WAC: variants seen among roughly 807,000 people sequenced by gnomAD.
WAC encodes the protein WW domain containing adaptor with coiled-coil, also known as WW domain-containing adapter protein with coiled-coil.
Under a neutral mutation model 79.6 loss-of-function variants are expected in WAC, and 11 were observed. The observed-to-expected ratio is 0.14, with a 90% CI of 0.09 to 0.23. WAC has a LOEUF of 0.23. Ranked by LOEUF, WAC falls within the 10% of genes least tolerant of loss-of-function variation. The probability of loss-of-function intolerance (pLI) is 1.00; values close to 1 mark genes in which losing one functional copy is unlikely to be tolerated. For missense variants in WAC, 728 were observed against 773.5 expected, an observed-to-expected ratio of 0.94 and a Z score of 0.70; for synonymous variants, 304 against 276.9, an observed-to-expected ratio of 1.10 and a Z score of -0.97.
chr10:28,593,619 T>A (rs971937852), intron 6 of WAC, among the ~76,000 whole-genome samples: 2 of 151,338 alleles, frequency 1.3e-5, no homozygotes, highest in South Asian at 4.2e-4. Flanking sequence ...AATACAAAAA[T>A]AAGCTGGGCG....
At chr10:28,603,947 ATATATGTATGT>A (rs1282113656) in intron 7 of WAC, among the ~76,000 whole-genome samples, 1 of 26,744 alleles carries the variant, frequency 3.7e-5, no homozygotes, top group Admixed American at 5.4e-4. Flanking sequence ...AAAAAAATAT[ATATATGTATGT>A]ATGTATATAT....
chr10:28,592,406 G>T (rs754584862), intron 6 of WAC, among the ~76,000 whole-genome samples: 4 of 152,030 alleles, frequency 2.6e-5, no homozygotes, highest in Non-Finnish European at 4.4e-5. Flanking sequence ...GGCGGATCAC[G>T]AAGTCAAGAG....
At chr10:28,533,726 C>G in intron 1 of WAC, 106 bp downstream of exon 1, 1 of 1,331,604 alleles carries the variant, frequency 7.5e-7, no homozygotes, top group African/African-American at 1.5e-5. Flanking sequence ...GTTGTTAACC[C>G]TGATCCGGAT....
chr10:28,601,566 C>T (rs1840649355), intron 7 of WAC, among the ~76,000 whole-genome samples: 1 of 152,028 alleles, frequency 6.6e-6, no homozygotes. Context: ...TAGATACATA[C>T]CCAAAAGAAA....
rs146623575 is a variant in WAC at position 28,620,477 on chromosome 10, A to C, written c.*871A>C. The C allele has an allele frequency of 6.5e-6, 1 of 152,806 alleles. No homozygotes were observed. 9.5% of individuals were successfully genotyped at this position (152,806 alleles called of 1,614,324 possible). ...AATGAACGTGGTTGTGGGAGGGGAAAGAGGAAACAGAGCTAGTCAGATGTG... is the reference window on the plus strand; with the variant it reads ...AATGAACGTGGTTGTGGGAGGGGAACGAGGAAACAGAGCTAGTCAGATGTG... On this transcript the variant is annotated 3_prime_UTR_variant, in exon 14 of 14. Coordinates refer to ENST00000354911, the MANE Select transcript of WAC (RefSeq NM_016628.5).
At chr10:28,604,865 A>G (rs1840860687) in intron 7 of WAC, among the ~76,000 whole-genome samples, 1 of 152,194 alleles carries the variant, frequency 6.6e-6, no homozygotes, top group Non-Finnish European at 1.5e-5. Context: ...GGGGAGGGGC[A>G]CCCAATCAAC....
chr10:28,587,176 A>G (rs927813052), intron 4 of WAC, among the ~76,000 whole-genome samples: 3 of 151,604 alleles, frequency 2.0e-5, no homozygotes, highest in African/African-American at 7.2e-5. Context: ...GAAATTATTC[A>G]TTTCATTTAA....
chr10:28,612,426 G>T (rs2132838298), intron 10 of WAC, among the ~76,000 whole-genome samples: 1 of 152,280 alleles, frequency 6.6e-6, no homozygotes, highest in South Asian at 2.1e-4. Flanking sequence ...AGGTGTTTGT[G>T]AATACAGGGA....
intron 7 of WAC, among the ~76,000 whole-genome samples, chr10:28,603,951 ATGTATGTATGT>A (rs1564413638): frequency 0.54 from 31,392 of 57,788 alleles, 8,888 homozygotes; most frequent in East Asian, 0.7. Context: ...AAATATATAT[ATGTATGTATGT>A]ATATATATAT....
At chr10:28,598,656 A>C (rs150104452) in intron 7 of WAC, among the ~76,000 whole-genome samples, 11 of 152,172 alleles carry the variant, frequency 7.2e-5, no homozygotes, top group African/African-American at 2.7e-4. Flanking sequence ...CATTACCCCA[A>C]TTCAAACGTG....
intron 3 of WAC, among the ~76,000 whole-genome samples, chr10:28,553,222 T>C (rs1837788895): frequency 1.3e-5 from 2 of 150,642 alleles, no homozygotes; most frequent in African/African-American, 2.5e-5. Flanking sequence ...AAATCTTTTA[T>C]AGTTTTTGCT....
At chr10:28,583,589 G>A (rs1589196551) in intron 4 of WAC, 84 bp downstream of exon 4, 2 of 915,862 alleles carry the variant, frequency 2.2e-6, no homozygotes, top group Admixed American at 2.9e-5. Context: ...GGCAAGTCTT[G>A]TAAAATCTAA....
chr10:28,594,056 C>T (rs1156264917), intron 6 of WAC, among the ~76,000 whole-genome samples: 1 of 152,178 alleles, frequency 6.6e-6, no homozygotes, highest in African/African-American at 2.4e-5. Flanking sequence ...CAAAGCACCA[C>T]CCTCTGGGAG....
chr10:28,571,172 C>T (rs1289561102), intron 3 of WAC, among the ~76,000 whole-genome samples: 1 of 151,948 alleles, frequency 6.6e-6, no homozygotes, highest in Non-Finnish European at 1.5e-5. Context: ...TCACGTGATC[C>T]ACCCACCTTG....
intron 3 of WAC, among the ~76,000 whole-genome samples, chr10:28,551,575 T>C (rs1424937492): frequency 6.6e-6 from 1 of 152,218 alleles, no homozygotes; most frequent in Non-Finnish European, 1.5e-5. Context: ...TTATTTTTTA[T>C]CTGAAACAAT....
intron 4 of WAC, among the ~76,000 whole-genome samples, chr10:28,587,545 G>A (rs1204952026): frequency 6.6e-6 from 1 of 152,188 alleles, no homozygotes; most frequent in Non-Finnish European, 1.5e-5. Context: ...ACCATCCCAG[G>A]CCAAATCTAG....
At chr10:28,589,556 G>C in intron 4 of WAC, 180 bp from the exon 5 acceptor site, 1 of 354,478 alleles carries the variant, frequency 2.8e-6, no homozygotes, top group Non-Finnish European at 5.1e-6. Context: ...ATAAAGTTCT[G>C]TTGTCTTTGA....
At chr10:28,601,390 A>G (rs192489146) in intron 7 of WAC, among the ~76,000 whole-genome samples, 3 of 152,284 alleles carry the variant, frequency 2.0e-5, no homozygotes, top group Non-Finnish European at 2.9e-5. Context: ...TAGGATGACT[A>G]TTATAATTAA....
At chr10:28,581,557 T>G (rs777272643) in intron 3 of WAC, among the ~76,000 whole-genome samples, 1 of 152,070 alleles carries the variant, frequency 6.6e-6, no homozygotes, top group African/African-American at 2.4e-5. Flanking sequence ...TTTGTTTGTT[T>G]GTTTGTTTGT....
Sources: gnomAD v4.1 joint callset for allele counts (sites outside exome capture counted in the v4.1 genomes callset) on GRCh38, gnomAD v4.1.1 for gene constraint, MANE v1.5 for transcripts, NCBI Gene and HGNC (gene_info 2026-07-23, HGNC 2026-07-21) for gene names.